The following NREP variants were observed in gnomAD, a reference collection of about 807,000 sequenced individuals.
NREP encodes neuronal regeneration related protein, also known as neuronal regeneration-related protein.
NREP carries 5 observed loss-of-function variants against 8.6 expected under a neutral mutation model. The ratio of observed to expected loss-of-function variants is 0.58; its 90% CI spans 0.30 to 1.22. The LOEUF (loss-of-function observed/expected upper bound fraction) is 1.22. NREP is among the 50% of genes most tolerant of loss of function. The probability of loss-of-function intolerance (pLI) is 0.07; values close to 1 mark genes in which losing one functional copy is unlikely to be tolerated. For missense variants in NREP, 86 were observed against 82.5 expected, an observed-to-expected ratio of 1.04 and a Z score of -0.17; for synonymous variants, 27 against 28.0, an observed-to-expected ratio of 0.96 and a Z score of 0.11.
chr5:111,790,347 C>CTTTTTTTTTTTTTTTTTTTTTTTTTT (rs57775701), intron 2 of NREP, among the ~76,000 whole-genome samples: 2 of 59,594 alleles, frequency 3.4e-5, no homozygotes, highest in Admixed American at 3.0e-4. Flanking sequence ...AAAACCTTAA[C>CTTTTTTTTTTTTTTTTTTTTTTTTTT]TTTTTTTTTT....
In NREP at chr5:111,834,970, CCTT is replaced by C. The variant is rs199599521; in HGVS notation, c.136-99466_136-99464del. Among the ~76,000 whole-genome samples, 7 of 152,248 alleles carry C rather than the reference CCTT, an allele frequency of 4.6e-5. No homozygotes were observed. The East Asian group carries it at 1.4e-3, about 29-fold the overall frequency. ...CACATGTAAGCAAGATCTGTTTTAA[CCTT>C]CTTTGAATTTGGGTTCACATTCCAA... is the stretch of plus-strand genomic sequence containing the variant. On this transcript the variant is annotated intron_variant, in intron 2 of 3. Coordinates refer to the NREP transcript ENST00000395634.
At chr5:111,881,759 C>T (rs1384532048) in intron 2 of NREP, among the ~76,000 whole-genome samples, 1 of 152,162 alleles carries the variant, frequency 6.6e-6, no homozygotes, top group East Asian at 1.9e-4. Context: ...AACAGACCTG[C>T]AGCTGAGGGT....
chr5:111,784,398 C>G (rs1400812346), intron 2 of NREP, among the ~76,000 whole-genome samples: 2 of 152,034 alleles, frequency 1.3e-5, no homozygotes, highest in African/African-American at 4.8e-5. Flanking sequence ...CTTTGGTGGG[C>G]AGCTAGTTAT....
At chr5:111,815,381 A>C (rs1228666191) in intron 2 of NREP, among the ~76,000 whole-genome samples, 3 of 152,190 alleles carry the variant, frequency 2.0e-5, no homozygotes, top group Non-Finnish European at 4.4e-5. Flanking sequence ...AAGAAAAGTG[A>C]ATTTTCTCTG....
chr5:111,850,071 A>G (rs942998529), intron 2 of NREP, among the ~76,000 whole-genome samples: 1 of 152,156 alleles, frequency 6.6e-6, no homozygotes, highest in Non-Finnish European at 1.5e-5. Flanking sequence ...CACTGTCTTT[A>G]TGTCATTTGA....
At chr5:111,812,577 G>C (rs1189233509) in intron 2 of NREP, among the ~76,000 whole-genome samples, 2 of 152,068 alleles carry the variant, frequency 1.3e-5, no homozygotes, top group Admixed American at 1.3e-4. Flanking sequence ...CAATGACTTA[G>C]AAGTAACAGA....
chr5:111,817,860 A>G (rs946048860), intron 2 of NREP, among the ~76,000 whole-genome samples: 4 of 151,792 alleles, frequency 2.6e-5, no homozygotes, highest in Admixed American at 2.6e-4. Flanking sequence ...GTATGTATAC[A>G]CACACATATA....
At chr5:111,818,218 T>G (rs1752437425) in intron 2 of NREP, among the ~76,000 whole-genome samples, 1 of 152,218 alleles carries the variant, frequency 6.6e-6, no homozygotes, top group African/African-American at 2.4e-5. Context: ...TTATAATTAA[T>G]TGCACATTAT....
At chr5:111,976,717 G>A in exon 1 of NREP, 1 of 1,550,544 alleles carries the variant, frequency 6.4e-7, no homozygotes, top group Non-Finnish European at 8.7e-7. Context: ...TACCAAAGCA[G>A]AATAATTCCA....
intron 2 of NREP, among the ~76,000 whole-genome samples, chr5:111,825,129 T>C (rs1027842250): frequency 6.6e-6 from 1 of 152,190 alleles, no homozygotes; most frequent in African/African-American, 2.4e-5. Context: ...TATTCTGTTA[T>C]CATACATGCT....
chr5:111,847,754 A>C (rs549414996), intron 2 of NREP, among the ~76,000 whole-genome samples: 21 of 152,202 alleles, frequency 1.4e-4, no homozygotes, highest in Non-Finnish European at 2.6e-4. Flanking sequence ...GCTGTTTACT[A>C]GCAAATTACA....
At chr5:111,814,577 T>C (rs1752343097) in intron 2 of NREP, among the ~76,000 whole-genome samples, 1 of 152,156 alleles carries the variant, frequency 6.6e-6, no homozygotes, top group African/African-American at 2.4e-5. Context: ...TATTAATTGA[T>C]TCGTCCAATG....
intron 2 of NREP, among the ~76,000 whole-genome samples, chr5:111,955,534 A>G (rs1244006366): frequency 1.3e-5 from 2 of 151,986 alleles, no homozygotes; most frequent in African/African-American, 4.8e-5. Flanking sequence ...GACTTGTGAT[A>G]AGAAAAACAA....
rs1752106520 is a variant in NREP at position 111,804,936 on chromosome 5, G to C, written c.136-69429C>G. On this transcript the variant is annotated intron_variant, in intron 2 of 3. Coordinates refer to the NREP transcript ENST00000395634. ...GGATGGCGTGAACCCGGGAGGCAGA[G>C]CTTGCAGTGAGCCGAGATGGCGCCA... Among the ~76,000 whole-genome samples, 3 of 152,348 alleles carry C rather than the reference G, an allele frequency of 2.0e-5. No individual in the cohort carries two copies. The South Asian group carries it at 6.2e-4, about 32-fold the overall frequency.
chr5:111,823,643 T>C (rs954841959), intron 2 of NREP, among the ~76,000 whole-genome samples: 1 of 152,190 alleles, frequency 6.6e-6, no homozygotes, highest in Non-Finnish European at 1.5e-5. Context: ...TTATTATTAA[T>C]GAAGAATGTC....
At chr5:111,952,005 C>T (rs1756174281) in intron 2 of NREP, among the ~76,000 whole-genome samples, 1 of 152,092 alleles carries the variant, frequency 6.6e-6, no homozygotes, top group South Asian at 2.1e-4. Context: ...TTTCCTGACA[C>T]TCCTGTCCCA....
At chr5:111,743,382 A>G (rs1358309536) in intron 2 of NREP, among the ~76,000 whole-genome samples, 1 of 152,174 alleles carries the variant, frequency 6.6e-6, no homozygotes, top group East Asian at 1.9e-4. Context: ...TTCAAGAAAT[A>G]TGTTAATAAA....
chr5:111,871,062 G>GTGTGTGTGTGTA (rs1753779056), intron 2 of NREP, among the ~76,000 whole-genome samples: 1 of 142,924 alleles, frequency 7.0e-6, no homozygotes, highest in Non-Finnish European at 1.6e-5. Context: ...GCGTGTGTGT[G>GTGTGTGTGTGTA]TGTGTGTGTG....
At chr5:111,860,574 T>A (rs566247142) in intron 2 of NREP, among the ~76,000 whole-genome samples, 1 of 152,132 alleles carries the variant, frequency 6.6e-6, no homozygotes, top group African/African-American at 2.4e-5. Context: ...TCTCTCTCTC[T>A]CCTTCAATCT....
Sources: gnomAD v4.1 joint callset for allele counts (sites outside exome capture counted in the v4.1 genomes callset) on GRCh38, gnomAD v4.1.1 for gene constraint, MANE v1.5 for transcripts, NCBI Gene and HGNC (gene_info 2026-07-23, HGNC 2026-07-21) for gene names.